Variants in RSPRY1 observed in about 807,000 individuals in gnomAD.
RSPRY1 encodes RING finger and SPRY domain-containing protein 1.
In RSPRY1, 23 loss-of-function variants were observed where a neutral mutation model predicts 73.1. That is an observed-to-expected ratio of 0.31 (90% confidence interval 0.23 to 0.45). The LOEUF (loss-of-function observed/expected upper bound fraction) is 0.45. Among genes scored for constraint, RSPRY1 ranks in the 20% least tolerant of loss-of-function variants. RSPRY1 has a pLI of 1.00. For synonymous variants in RSPRY1, 226 were observed against 251.4 expected (o/e 0.90, Z 0.95); for missense variants, 448 against 698.7 (o/e 0.64, Z 4.05).
At chr16:57,210,483 A>G (rs2074819582) in intron 4 of RSPRY1, among the ~76,000 whole-genome samples, 1 of 152,018 alleles carries the variant, frequency 6.6e-6, no homozygotes. Context: ...TGGGTGGATC[A>G]CCTGAGGTCA....
At chr16:57,186,255 A>C (rs1597825772), upstream of RSPRY1, 1 of 839,286 alleles carries the variant, frequency 1.2e-6, no homozygotes, top group Non-Finnish European at 1.4e-6. Flanking sequence ...TGTCAAGGAG[A>C]GGGCTTGCCA....
chr16:57,219,490 C>G (rs1428951539), intron 8 of RSPRY1, among the ~76,000 whole-genome samples: 1 of 152,094 alleles, frequency 6.6e-6, no homozygotes, highest in Non-Finnish European at 1.5e-5. Context: ...GATGTTTTGC[C>G]CACTTTTTAA....
At position 57,197,836 on chromosome 16, in the gene RSPRY1, A is replaced by C. The variant is rs550730253; in HGVS notation, c.-155-6668A>C. Among the ~76,000 whole-genome samples the C allele has an allele frequency of 4.4e-3, 669 of 152,152 alleles. 5 individuals carry two copies. The highest frequency in any genetic ancestry group is 0.015 in the African/African-American group (634 of 41,504). ...CCTCCCAGGCTCAAGTGATCTTCCC[A>C]CCTCAACCTCCTGAGTATCTGGGAC... On this transcript the variant is annotated intron_variant, in intron 1 of 14. Transcript: ENST00000394420.
intron 3 of RSPRY1, 112 bp downstream of exon 3, chr16:57,208,222 A>G (rs1332009822): frequency 4.6e-6 from 3 of 654,780 alleles, no homozygotes; most frequent in South Asian, 2.0e-5. Context: ...CTCCAAAAAT[A>G]CAGCATACAT....
Position 57,238,989 on chromosome 16 carries a change from G to T in RSPRY1, c.*14G>T, listed in dbSNP as rs182433621. ...CATATTTCATGACACATGTGAAGAG[G>T]CATCGTGGACTTTTTTCTACTCAAT... On this transcript the variant is annotated 3_prime_UTR_variant, in exon 15 of 15. Transcript: ENST00000394420. 19 of 1,438,788 alleles carry T rather than the reference G, an allele frequency of 1.3e-5. No individual in the cohort carries two copies. The Admixed American group carries it at 1.5e-4, about 11-fold the overall frequency. 89.1% of individuals were successfully genotyped at this position (1,438,788 alleles called of 1,614,324 possible).
At chr16:57,201,510 A>G (rs1239223130) in intron 1 of RSPRY1, among the ~76,000 whole-genome samples, 3 of 151,016 alleles carry the variant, frequency 2.0e-5, no homozygotes, top group Non-Finnish European at 4.4e-5. Flanking sequence ...CACATCCCAG[A>G]CGATGGGCGG....
intron 11 of RSPRY1, among the ~76,000 whole-genome samples, chr16:57,229,473 G>T (rs368367064): frequency 1.3e-5 from 2 of 151,794 alleles, no homozygotes; most frequent in African/African-American, 4.8e-5. Context: ...TTAAAAATTT[G>T]CCAGGGGTGG....
intron 13 of RSPRY1, among the ~76,000 whole-genome samples, chr16:57,232,392 AG>A (rs2075237258): frequency 6.6e-6 from 1 of 152,190 alleles, no homozygotes; most frequent in South Asian, 2.1e-4. Context: ...CAAGAACATA[AG>A]GGTTGCATAT....
chr16:57,209,257 C>G, intron 4 of RSPRY1, 70 bp downstream of exon 4: 1 of 982,936 alleles, frequency 1.0e-6, no homozygotes. Context: ...CCACAAAGAA[C>G]ATTTGATGTA....
intron 11 of RSPRY1, among the ~76,000 whole-genome samples, chr16:57,230,499 T>C (rs1336214754): frequency 6.6e-6 from 1 of 152,236 alleles, no homozygotes; most frequent in Non-Finnish European, 1.5e-5. Flanking sequence ...TGGCTTGTCA[T>C]AATTTAATTG....
At position 57,230,957 on chromosome 16, in the gene RSPRY1, G is replaced by T. The variant is rs2288006; in HGVS notation, c.1376+144G>T. 820 of 698,546 alleles carry T rather than the reference G, an allele frequency of 1.2e-3. 15 individuals are homozygous for T. In the East Asian group the frequency reaches 0.021, roughly 18 times the overall value. 43.3% of individuals were successfully genotyped at this position (698,546 alleles called of 1,614,324 possible). A position where few individuals can be genotyped will look rare whatever the true frequency, so the allele number is the denominator to read the frequency against. On this transcript the variant is annotated intron_variant, in intron 12 of 14. Coordinates refer to ENST00000394420, the MANE Select transcript of RSPRY1 (RefSeq NM_133368.3). ...AAGTGATTGGGAACCCATTTGATCA[G>T]ACCTAAAACTATCCCAAAGTTTGAT...
intron 1 of RSPRY1, among the ~76,000 whole-genome samples, chr16:57,195,563 G>C (rs2074425960): frequency 6.6e-6 from 1 of 151,908 alleles, no homozygotes; most frequent in Non-Finnish European, 1.5e-5. Context: ...TGCCACTTAG[G>C]TGGTAAGAAG....
chr16:57,227,237 G>A (rs2075133947), intron 10 of RSPRY1, 105 bp from the exon 11 acceptor site: 1 of 747,744 alleles, frequency 1.3e-6, no homozygotes. Context: ...CATCCAGAAA[G>A]CTTAGAATCC....
At chr16:57,215,413 A>G (rs1194391395) in intron 6 of RSPRY1, among the ~76,000 whole-genome samples, 1 of 152,200 alleles carries the variant, frequency 6.6e-6, no homozygotes. Context: ...AGGAGGTACC[A>G]GGGAAGTCAG....
At chr16:57,229,167 A>G (rs543324569) in intron 11 of RSPRY1, among the ~76,000 whole-genome samples, 14 of 152,310 alleles carry the variant, frequency 9.2e-5, no homozygotes, top group African/African-American at 3.4e-4. Flanking sequence ...TTCTCTGGCA[A>G]GGGGGATATA....
chr16:57,219,370 A>T (rs191696037), intron 8 of RSPRY1, among the ~76,000 whole-genome samples: 4 of 152,138 alleles, frequency 2.6e-5, no homozygotes, highest in Admixed American at 2.6e-4. Context: ...GGGTGAGATG[A>T]TAGCTCATTG....
chr16:57,200,800 C>G lies in RSPRY1; in HGVS notation c.-155-3704C>G, dbSNP rs1231599452. Among the ~76,000 whole-genome samples, 25 of 105,456 alleles carry G rather than the reference C, an allele frequency of 2.4e-4. No homozygotes were observed. The East Asian group carries it at 4.3e-3, about 18-fold the overall frequency. 69.2% of individuals were successfully genotyped at this position (105,456 alleles called of 152,430 possible). ...GGCCGGGCTGGGGGCTGGCCCCCCC[C>G]ACATCCTTCCCGGACGGGGCGGCTG... On this transcript the variant is annotated intron_variant, in intron 1 of 14. Transcript: ENST00000394420.
At chr16:57,189,201 G>T (rs1457407876) in intron 1 of RSPRY1, among the ~76,000 whole-genome samples, 12 of 151,954 alleles carry the variant, frequency 7.9e-5, no homozygotes, top group Non-Finnish European at 1.6e-4. Flanking sequence ...CACCGTGTTG[G>T]TCAGGCTGGT....
intron 1 of RSPRY1, among the ~76,000 whole-genome samples, chr16:57,192,111 A>C (rs2074360937): frequency 6.6e-6 from 1 of 152,242 alleles, no homozygotes; most frequent in African/African-American, 2.4e-5. Flanking sequence ...ATATTTATTG[A>C]ATACATATTA....
Sources: gnomAD v4.1 joint callset for allele counts (sites outside exome capture counted in the v4.1 genomes callset) on GRCh38, gnomAD v4.1.1 for gene constraint, MANE v1.5 for transcripts, NCBI Gene and HGNC (gene_info 2026-07-23, HGNC 2026-07-21) for gene names.